Variants in ABLIM1 observed in about 807,000 individuals in gnomAD.
ABLIM1 encodes the protein actin binding LIM protein 1, also known as actin-binding LIM protein 1.
A neutral mutation model predicts 107.0 loss-of-function variants in ABLIM1; 40 were observed. The ratio of observed to expected loss-of-function variants is 0.37; its 90% confidence interval spans 0.29 to 0.49. The LOEUF (loss-of-function observed/expected upper bound fraction) is 0.49. Among genes scored for constraint, ABLIM1 ranks in the 20% least tolerant of loss-of-function variants. The pLI is 0.97. For missense variants in ABLIM1, 857 were observed against 1,008.5 expected (o/e 0.85, Z 2.04); for synonymous variants, 357 against 357.3 (o/e 1.00, Z 0.01).
chr10:114,607,381 C>A (rs2076494033), intron 1 of ABLIM1, among the ~76,000 whole-genome samples: 2 of 152,002 alleles, frequency 1.3e-5, no homozygotes, highest in African/African-American at 2.4e-5. Flanking sequence ...TCTCCAGATG[C>A]AACCAGCAAA....
chr10:114,623,405 T>C (rs1475322770), intron 1 of ABLIM1, among the ~76,000 whole-genome samples: 3 of 152,252 alleles, frequency 2.0e-5, no homozygotes, highest in Non-Finnish European at 2.9e-5. Context: ...TGCTTCATTA[T>C]GAAACATGGC....
rs555815523 is a variant in ABLIM1 at position 114,639,204 on chromosome 10, T to C, written c.244+18753A>G. Reference sequence around the variant, plus strand: ...GCAACACACACAACCATTACTGCATTTGCTACCACAGGAATGGCAGCTTTG... The same window carrying C: ...GCAACACACACAACCATTACTGCATCTGCTACCACAGGAATGGCAGCTTTG... On this transcript the variant is annotated intron_variant, in intron 1 of 22. Coordinates refer to ENST00000533213, the MANE Select transcript of ABLIM1 (RefSeq NM_002313.7). Among the ~76,000 whole-genome samples the C allele has an allele frequency of 9.2e-5, 14 of 152,294 alleles. No homozygotes were observed. The East Asian group carries it at 2.7e-3, about 29-fold the overall frequency.
At position 114,563,213 on chromosome 10, in the gene ABLIM1, G is replaced by T. The variant is rs147906394; in HGVS notation, c.673+8084C>A. On this transcript the variant is annotated intron_variant, in intron 4 of 22. Transcript: ENST00000533213. ...TAACAGAGGTCACCTCTTAGTGATG[G>T]GATTTCGGGTGATCTTTATCCCTTT... Among the ~76,000 whole-genome samples, 9 of 152,302 alleles carry T rather than the reference G, an allele frequency of 5.9e-5. No individual in the cohort carries two copies. In the East Asian group the frequency reaches 1.7e-3, roughly 29 times the overall value.
In ABLIM1 at chr10:114,436,937, G is replaced by A. The variant is rs182701539; in HGVS notation, c.2224-564C>T. On this transcript the variant is annotated intron_variant, in intron 22 of 22. Transcript: ENST00000533213. Reference sequence around the variant, plus strand: ...GTCAGGAAAAAGTAAGCATTCTTTCGGAGACTGGCAGCCAGGGTTTTTCTT... The same window carrying A: ...GTCAGGAAAAAGTAAGCATTCTTTCAGAGACTGGCAGCCAGGGTTTTTCTT... Among the ~76,000 whole-genome samples the A allele has an allele frequency of 5.5e-3, 830 of 152,092 alleles. 6 individuals carry two copies. The highest frequency in any genetic ancestry group is 5.8e-3 in the Non-Finnish European group (393 of 67,978).
At chr10:114,527,359 AC>A (rs1339435390) in intron 6 of ABLIM1, among the ~76,000 whole-genome samples, 1 of 151,600 alleles carries the variant, frequency 6.6e-6, no homozygotes, top group Non-Finnish European at 1.5e-5. Context: ...TGATTGGAAA[AC>A]CTCTTATCAA....
At chr10:114,684,478 A>C in exon 1 of ABLIM1, 1 of 1,467,288 alleles carries the variant, frequency 6.8e-7, no homozygotes, top group South Asian at 1.4e-5. Context: ...GCTGAACTGG[A>C]CCCGAGGGAG....
At chr10:114,508,162 C>T (rs2061405403) in intron 6 of ABLIM1, among the ~76,000 whole-genome samples, 1 of 152,050 alleles carries the variant, frequency 6.6e-6, no homozygotes, top group African/African-American at 2.4e-5. Flanking sequence ...TTTTTTTCTA[C>T]CTGAGTGGGA....
chr10:114,534,904 C>A (rs962835880), intron 6 of ABLIM1, among the ~76,000 whole-genome samples: 25 of 152,290 alleles, frequency 1.6e-4, no homozygotes, highest in African/African-American at 5.8e-4. Flanking sequence ...AATATTAAAT[C>A]TTTACTGCAT....
At chr10:114,687,732 G>A (rs2141666003), upstream of ABLIM1, among the ~76,000 whole-genome samples, 1 of 152,286 alleles carries the variant, frequency 6.6e-6, no homozygotes, top group Admixed American at 6.5e-5. Context: ...GAGGGCCTTG[G>A]CCTCATCTTT....
At chr10:114,696,983 TC>T (rs1417895555) in intron 1 of ABLIM1, among the ~76,000 whole-genome samples, 1 of 152,106 alleles carries the variant, frequency 6.6e-6, no homozygotes, top group Non-Finnish European at 1.5e-5. Flanking sequence ...GATCACTAAG[TC>T]CTAGGGCTAT....
At chr10:114,591,631 A>T (rs1466861463) in intron 2 of ABLIM1, among the ~76,000 whole-genome samples, 1 of 152,174 alleles carries the variant, frequency 6.6e-6, no homozygotes, top group Non-Finnish European at 1.5e-5. Flanking sequence ...GCAAAAAAAA[A>T]TTCTTCTTTC....
At chr10:114,784,690 GAAAA>G in the ABLIM1 span, among the ~76,000 whole-genome samples, 2 of 118,202 alleles carry the variant, frequency 1.7e-5, no homozygotes, top group Admixed American at 9.4e-5. Flanking sequence ...AAAAGAAAAA[GAAAA>G]AAAAAAAAAA....
chr10:114,472,872 C>G (rs2066859989), intron 10 of ABLIM1, 105 bp downstream of exon 10: 1 of 1,241,776 alleles, frequency 8.1e-7, no homozygotes. Context: ...ACTAGGCAGA[C>G]AAAAGACCAC....
intron 1 of ABLIM1, among the ~76,000 whole-genome samples, chr10:114,612,855 G>A (rs916850875): frequency 6.6e-6 from 1 of 152,182 alleles, no homozygotes; most frequent in Non-Finnish European, 1.5e-5. Context: ...ATTGTCACAT[G>A]GCCTAGGGTC....
At chr10:114,788,005 G>T in the ABLIM1 span, among the ~76,000 whole-genome samples, 1 of 145,356 alleles carries the variant, frequency 6.9e-6, no homozygotes, top group East Asian at 2.0e-4. Flanking sequence ...TTCTGCCTTG[G>T]GATCCTGTTG....
At chr10:114,757,310 T>C (rs117419571) in intron 1 of ABLIM1, among the ~76,000 whole-genome samples, 2 of 152,296 alleles carry the variant, frequency 1.3e-5, no homozygotes, top group East Asian at 1.9e-4. Context: ...CAACCACTTA[T>C]TAGCTAGATG....
At chr10:114,759,265 A>G (rs2082694683) in intron 1 of ABLIM1, among the ~76,000 whole-genome samples, 1 of 152,242 alleles carries the variant, frequency 6.6e-6, no homozygotes, top group African/African-American at 2.4e-5. Context: ...TATGCTGGAA[A>G]AGATAAATCT....
chr10:114,572,544 A>G (rs931693027), intron 3 of ABLIM1, among the ~76,000 whole-genome samples: 3 of 152,186 alleles, frequency 2.0e-5, no homozygotes, highest in African/African-American at 7.2e-5. Flanking sequence ...TCCACTTGTG[A>G]TGCTGTGTCA....
chr10:114,662,388 C>A (rs1333764307), upstream of ABLIM1, among the ~76,000 whole-genome samples: 2 of 152,134 alleles, frequency 1.3e-5, no homozygotes, highest in Non-Finnish European at 2.9e-5. Context: ...AATTGGACTT[C>A]CAGACAGTGA....
Sources: allele counts gnomAD v4.1 joint callset (sites outside exome capture counted in the v4.1 genomes callset), GRCh38; gene constraint gnomAD v4.1.1; transcripts MANE v1.5; gene names NCBI Gene and HGNC (gene_info 2026-07-23, HGNC 2026-07-21).